The following PHC3 variants were observed in gnomAD, a reference collection of about 807,000 sequenced individuals.
PHC3 encodes polyhomeotic homolog 3, also known as polyhomeotic-like protein 3.
PHC3 carries 13 observed loss-of-function variants against 107.4 expected under a neutral mutation model. The ratio of observed to expected loss-of-function variants is 0.12; its 90% confidence interval spans 0.08 to 0.19. The LOEUF (loss-of-function observed/expected upper bound fraction) is 0.19, where lower values mean the gene tolerates loss of function less well. PHC3 is among the 10% of genes least tolerant of loss of function. The pLI is 1.00. For missense variants in PHC3, 992 were observed against 1,210.9 expected (o/e 0.82, Z 2.68); for synonymous variants, 456 against 427.4 (o/e 1.07, Z -0.83).
chr3:170,157,399 G>A (rs1727061928), intron 4 of PHC3, among the ~76,000 whole-genome samples: 2 of 152,168 alleles, frequency 1.3e-5, no homozygotes, highest in Non-Finnish European at 1.5e-5. Flanking sequence ...AGAGGCTTTA[G>A]GGAACTTAAT....
intron 4 of PHC3, among the ~76,000 whole-genome samples, chr3:170,152,836 A>AT (rs1039723179): frequency 2.0e-5 from 3 of 151,348 alleles, no homozygotes; most frequent in African/African-American, 4.9e-5. Flanking sequence ...AATCTTTGTT[A>AT]TTTTTTGTAG....
intron 2 of PHC3, among the ~76,000 whole-genome samples, chr3:170,173,483 A>G (rs1352901913): frequency 1.3e-5 from 2 of 152,238 alleles, no homozygotes; most frequent in African/African-American, 2.4e-5. Flanking sequence ...TTTACCATGC[A>G]ACCATAACAA....
chr3:170,126,528 A>ATATATATTTTTTTTTT (rs370421296), intron 8 of PHC3, among the ~76,000 whole-genome samples: 1 of 90,638 alleles, frequency 1.1e-5, no homozygotes, highest in African/African-American at 4.5e-5. Context: ...ATATATATAT[A>ATATATATTTTTTTTTT]TTTTTTTTTT....
chr3:170,127,548 C>A (rs1037364075), intron 8 of PHC3, among the ~76,000 whole-genome samples: 2 of 152,094 alleles, frequency 1.3e-5, no homozygotes, highest in South Asian at 4.1e-4. Context: ...GACAAGAATA[C>A]AAAAATCTAT....
At chr3:170,149,329 T>A in intron 4 of PHC3, 85 bp from the exon 5 acceptor site, 1 of 1,353,178 alleles carries the variant, frequency 7.4e-7, no homozygotes, top group Non-Finnish European at 1.0e-6. Flanking sequence ...AGTTAGGCAA[T>A]CAATGGTATA....
intron 4 of PHC3, among the ~76,000 whole-genome samples, chr3:170,155,221 C>T (rs1251068235): frequency 2.0e-5 from 3 of 152,184 alleles, no homozygotes; most frequent in African/African-American, 4.8e-5. Context: ...TTGCCTCTAC[C>T]GTTTCACTGA....
At chr3:170,144,358 T>G (rs529260002) in intron 6 of PHC3, among the ~76,000 whole-genome samples, 1 of 149,846 alleles carries the variant, frequency 6.7e-6, no homozygotes, top group East Asian at 1.9e-4. Flanking sequence ...AAAAAAAAAG[T>G]ATATATCAAA....
rs1399439875 is a variant in PHC3 at position 170,094,876 on chromosome 3, GGCT to G, written c.*2351_*2353del. On this transcript the variant is annotated 3_prime_UTR_variant, in exon 15 of 15. Coordinates refer to ENST00000495893, the MANE Select transcript of PHC3 (RefSeq NM_024947.4). ...CAGGGGCTTTCAATAAGTACAGAAT[GGCT>G]GCTATTAGGAAAGAGAACAAATAAA... The G allele has an allele frequency of 6.6e-6, 1 of 152,088 alleles. No individual in the cohort carries two copies. The highest frequency in any genetic ancestry group is 1.5e-5 in the Non-Finnish European group (1 of 68,012). 9.4% of individuals were successfully genotyped at this position (152,088 alleles called of 1,614,324 possible).
At chr3:170,116,655 G>A (rs144605075) in intron 10 of PHC3, among the ~76,000 whole-genome samples, 5 of 152,064 alleles carry the variant, frequency 3.3e-5, no homozygotes, top group African/African-American at 7.2e-5. Context: ...TGAGCCGAGC[G>A]CCATGCCATG....
intron 10 of PHC3, among the ~76,000 whole-genome samples, chr3:170,115,632 G>T (rs1476539602): frequency 6.6e-6 from 1 of 152,142 alleles, no homozygotes; most frequent in African/African-American, 2.4e-5. Context: ...GCTCTCACTA[G>T]TGATAACAGA....
rs541395748 is a variant in PHC3, at chr3:170,163,255, T to TAA, written c.414+8116_414+8117dup. Among the ~76,000 whole-genome samples the TAA allele has an allele frequency of 2.8e-5, 4 of 142,482 alleles. No homozygotes were observed. In the Admixed American group the frequency reaches 2.8e-4, roughly 10 times the overall value. 93.5% of individuals were successfully genotyped at this position (142,482 alleles called of 152,430 possible). A position where few individuals can be genotyped will look rare whatever the true frequency, so the allele number is the denominator to read the frequency against. ...GTCTAGCATCATAACTAGAAAGTCA[T>TAA]AAAAAAAAAAAAGTTTTTTCCCTTT... On this transcript the variant is annotated intron_variant, in intron 4 of 14. Coordinates refer to ENST00000495893, the MANE Select transcript of PHC3 (RefSeq NM_024947.4).
rs778048804 is a variant in PHC3 at position 170,095,448 on chromosome 3, C to T, written c.*1782G>A. 6.6e-6 allele frequency: 1 copy of T among 151,972 alleles called. No individual in the cohort carries two copies. The highest frequency in any genetic ancestry group is 1.5e-5 in the Non-Finnish European group (1 of 67,978). The allele number at this position is 151,972 out of a possible 1,614,324, so 9.4% of individuals were successfully genotyped here. A position where few individuals can be genotyped will look rare whatever the true frequency, so the allele number is the denominator to read the frequency against. Reference sequence around the variant, plus strand: ...GCATCTAAAGATTAAAAAAATTACCCGCTGTATTTTTGTATAAAAATAATC... The same window carrying T: ...GCATCTAAAGATTAAAAAAATTACCTGCTGTATTTTTGTATAAAAATAATC... On this transcript the variant is annotated 3_prime_UTR_variant, in exon 15 of 15. Coordinates refer to ENST00000495893, the MANE Select transcript of PHC3 (RefSeq NM_024947.4).
At chr3:170,101,929 C>G (rs959071646) in intron 14 of PHC3, among the ~76,000 whole-genome samples, 2 of 151,900 alleles carry the variant, frequency 1.3e-5, no homozygotes, top group African/African-American at 2.4e-5. Context: ...TTCAGAAAGG[C>G]TCTTGATGTT....
At chr3:170,163,503 T>TGTGTGA (rs1491364315) in intron 4 of PHC3, among the ~76,000 whole-genome samples, 1 of 138,676 alleles carries the variant, frequency 7.2e-6, no homozygotes, top group Non-Finnish European at 1.6e-5. Flanking sequence ...TGTGTGTGTG[T>TGTGTGA]GATGGCACTG....
intron 1 of PHC3, 42 bp from the exon 2 acceptor site, chr3:170,178,980 T>A (rs1318884886): frequency 6.6e-7 from 1 of 1,513,262 alleles, no homozygotes; most frequent in African/African-American, 1.4e-5. Flanking sequence ...AAAAGCATTA[T>A]CTTATGAGCT....
chr3:170,117,498 CATTTAAAAATT>C, intron 9 of PHC3, 22 bp from the exon 10 acceptor site: 3 of 1,579,710 alleles, frequency 1.9e-6, no homozygotes, highest in East Asian at 2.2e-5. Flanking sequence ...ACCAAAAAGT[CATTTAAAAATT>C]TTTTTAGCAT....
In PHC3 at chr3:170,097,010, T is replaced by C. The variant is rs1025047367; in HGVS notation, c.*220A>G. The C allele has an allele frequency of 1.0e-5, 4 of 388,136 alleles. No individual in the cohort carries two copies. The East Asian group carries it at 1.5e-4, about 15-fold the overall frequency. 24.0% of individuals were successfully genotyped at this position (388,136 alleles called of 1,614,324 possible). ...CTGTAACAAGTCTTTCAATGTTTCA[T>C]GTAACCTGTAAAATTAATTTTACCA... On this transcript the variant is annotated 3_prime_UTR_variant, in exon 15 of 15. Coordinates refer to ENST00000495893, the MANE Select transcript of PHC3 (RefSeq NM_024947.4). The surrounding 1 kb of genome is among the most constrained non-coding windows in gnomAD (Gnocchi z 4.1).
intron 6 of PHC3, 148 bp downstream of exon 6, chr3:170,145,275 A>C: frequency 1.8e-6 from 1 of 542,180 alleles, no homozygotes. Context: ...ATTTTCTTGA[A>C]GTTCTCATTG....
At chr3:170,141,015 A>G (rs188603626) in intron 6 of PHC3, among the ~76,000 whole-genome samples, 4 of 152,320 alleles carry the variant, frequency 2.6e-5, no homozygotes, top group Admixed American at 2.6e-4. Flanking sequence ...GAGATATTCC[A>G]AATTTCTCAT....
Sources: allele counts gnomAD v4.1 joint callset (sites outside exome capture counted in the v4.1 genomes callset), GRCh38; gene constraint gnomAD v4.1.1; non-coding constraint Gnocchi (gnomAD v3.1); transcripts MANE v1.5; gene names NCBI Gene and HGNC (gene_info 2026-07-23, HGNC 2026-07-21).